The following ZEB1 variants were observed in gnomAD, a reference collection of about 807,000 sequenced individuals.
The protein encoded by ZEB1 is zinc finger E-box-binding homeobox 1.
ZEB1 carries 21 observed loss-of-function variants against 84.9 expected under a neutral mutation model. The observed-to-expected ratio is 0.25, with a 90% CI of 0.18 to 0.36. ZEB1 has a LOEUF of 0.36. Ranked by LOEUF, ZEB1 falls within the 10% of genes least tolerant of loss-of-function variation. The pLI is 1.00. For synonymous variants in ZEB1, 420 were observed against 471.1 expected (o/e 0.89, Z 1.41); for missense variants, 1,104 against 1,330.2 (o/e 0.83, Z 2.65).
intron 1 of ZEB1, among the ~76,000 whole-genome samples, chr10:31,431,007 A>G (rs2136248207): frequency 1.3e-5 from 2 of 152,354 alleles, no homozygotes; most frequent in Middle Eastern, 6.8e-3. Context: ...TGCTTAAATC[A>G]GTACAAAGAG....
upstream of ZEB1, chr10:31,318,737 C>T (rs768500879): frequency 1.3e-4 from 22 of 171,958 alleles, no homozygotes; most frequent in Admixed American, 4.2e-4. Flanking sequence ...GGTAGCCCTG[C>T]CTCCAGGAAG....
intron 1 of ZEB1, among the ~76,000 whole-genome samples, chr10:31,395,321 T>C (rs908092136): frequency 6.6e-6 from 1 of 152,152 alleles, no homozygotes; most frequent in Non-Finnish European, 1.5e-5. Context: ...CTTTTTTTTC[T>C]TTTTATTTAT....
intron 3 of ZEB1, among the ~76,000 whole-genome samples, chr10:31,497,922 AAAAT>A (rs1484400816): frequency 1.8e-5 from 2 of 108,192 alleles, no homozygotes; most frequent in Middle Eastern, 8.8e-3. Flanking sequence ...TCAGGATGGA[AAAAT>A]AGATAGATAG....
At chr10:31,457,266 G>A (rs1181793717) in intron 1 of ZEB1, among the ~76,000 whole-genome samples, 1 of 152,110 alleles carries the variant, frequency 6.6e-6, no homozygotes, top group Admixed American at 6.5e-5. Flanking sequence ...AATTTATCAA[G>A]GGCCTGCATT....
chr10:31,400,891 TTAAA>T (rs1335550736), intron 1 of ZEB1, among the ~76,000 whole-genome samples: 6 of 152,200 alleles, frequency 3.9e-5, no homozygotes, highest in Non-Finnish European at 5.9e-5. Context: ...CATAACTGAT[TTAAA>T]TAGAGTCATA....
At chr10:31,355,297 G>T (rs1170085437) in intron 1 of ZEB1, 1 of 152,076 alleles carries the variant, frequency 6.6e-6, no homozygotes, top group South Asian at 2.1e-4. Flanking sequence ...TGTATACTAT[G>T]CTGCATTTTC....
intron 1 of ZEB1, chr10:31,321,052 A>T: frequency 1.3e-6 from 1 of 745,516 alleles, no homozygotes; most frequent in Non-Finnish European, 1.6e-6. Context: ...GGACCGCTGC[A>T]GCGTCGAGAA....
intron 1 of ZEB1, among the ~76,000 whole-genome samples, chr10:31,423,053 T>C (rs990502170): frequency 1.3e-5 from 2 of 152,002 alleles, no homozygotes; most frequent in African/African-American, 4.8e-5. Context: ...TATATATATA[T>C]ACATGTATAT....
chr10:31,525,742 G>A (rs1317765271), intron 8 of ZEB1, among the ~76,000 whole-genome samples: 1 of 152,144 alleles, frequency 6.6e-6, no homozygotes, highest in African/African-American at 2.4e-5. Flanking sequence ...GTGACACTTG[G>A]AAGGTTCTTG....
At chr10:31,354,239 G>A (rs1216340003) in intron 1 of ZEB1, among the ~76,000 whole-genome samples, 1 of 152,108 alleles carries the variant, frequency 6.6e-6, no homozygotes, top group Admixed American at 6.5e-5. Flanking sequence ...GACTTTATAA[G>A]TGACTTTGGG....
At chr10:31,400,557 T>C (rs994776313) in intron 1 of ZEB1, among the ~76,000 whole-genome samples, 1 of 152,152 alleles carries the variant, frequency 6.6e-6, no homozygotes, top group Non-Finnish European at 1.5e-5. Flanking sequence ...ACTATTTGAG[T>C]ATGCTATGAT....
intron 7 of ZEB1, among the ~76,000 whole-genome samples, chr10:31,523,357 A>G (rs1204474176): frequency 1.3e-5 from 2 of 152,128 alleles, no homozygotes; most frequent in East Asian, 3.8e-4. Context: ...TTGTTTTTCC[A>G]TCTTGCTCCT....
intron 1 of ZEB1, among the ~76,000 whole-genome samples, chr10:31,452,533 A>G (rs1355030932): frequency 1.3e-5 from 2 of 152,072 alleles, no homozygotes; most frequent in Non-Finnish European, 2.9e-5. Flanking sequence ...TGGTCTGGTT[A>G]TGACTGCAGT....
intron 1 of ZEB1, among the ~76,000 whole-genome samples, chr10:31,332,867 GTTA>G (rs1413291149): frequency 6.6e-6 from 1 of 152,060 alleles, no homozygotes; most frequent in Non-Finnish European, 1.5e-5. Context: ...TGTGTTCTAT[GTTA>G]TTATATAGCG....
At chr10:31,395,454 A>G (rs2050542953) in intron 1 of ZEB1, among the ~76,000 whole-genome samples, 1 of 152,216 alleles carries the variant, frequency 6.6e-6, no homozygotes, top group South Asian at 2.1e-4. Context: ...TTCCAACATT[A>G]TGGTCTTTCC....
rs1165801918 is a variant in ZEB1 at position 31,441,090 on chromosome 10, C to A, written c.59-19947C>A. On this transcript the variant is annotated intron_variant, in intron 1 of 8. Transcript: ENST00000424869. ...TCATATGGAACCAAAAAAGAGCCCA[C>A]ATTGCCAAGACAATCCTAAGCCAAA... Among the ~76,000 whole-genome samples, 3 of 152,136 alleles carry A rather than the reference C, an allele frequency of 2.0e-5. No homozygotes were observed. In the South Asian group the frequency reaches 6.2e-4, roughly 31 times the overall value.
chr10:31,363,095 C>A (rs1197093269), intron 1 of ZEB1: 1 of 1,533,966 alleles, frequency 6.5e-7, no homozygotes, highest in South Asian at 1.2e-5. Flanking sequence ...GACCTGTGGC[C>A]GGCAGCTCTG....
intron 1 of ZEB1, among the ~76,000 whole-genome samples, chr10:31,369,209 A>G (rs1380077135): frequency 6.6e-6 from 1 of 152,128 alleles, no homozygotes; most frequent in Non-Finnish European, 1.5e-5. Context: ...CACCTATAAT[A>G]TTTCATATTG....
At chr10:31,524,190 A>C (rs2072941745) in intron 8 of ZEB1, 77 bp downstream of exon 8, 1 of 1,419,704 alleles carries the variant, frequency 7.0e-7, no homozygotes, top group Admixed American at 2.0e-5. Flanking sequence ...CTAAAGTTTT[A>C]GAATTTTCTT....
Sources: allele counts gnomAD v4.1 joint callset (sites outside exome capture counted in the v4.1 genomes callset), GRCh38; gene constraint gnomAD v4.1.1; transcripts MANE v1.5; gene names NCBI Gene and HGNC (gene_info 2026-07-23, HGNC 2026-07-21).